NRG1: variants seen among roughly 807,000 people sequenced by gnomAD.
NRG1 encodes the protein pro-neuregulin-1, membrane-bound isoform.
In NRG1, 18 loss-of-function variants were observed where a neutral mutation model predicts 63.8. The ratio of observed to expected loss-of-function variants is 0.28; its 90% CI spans 0.19 to 0.42. NRG1 has a LOEUF of 0.42. NRG1 is among the 10% of genes least tolerant of loss of function. The pLI, the probability that NRG1 is intolerant of heterozygous loss-of-function variation, is 1.00. For synonymous variants in NRG1, 302 were observed against 301.3 expected, an observed-to-expected ratio of 1.00 and a Z score of -0.02; for missense variants, 762 against 814.7, an observed-to-expected ratio of 0.94 and a Z score of 0.79.
intron 1 of NRG1, among the ~76,000 whole-genome samples, chr8:32,564,403 T>A (rs1360137877): frequency 6.6e-6 from 1 of 152,216 alleles, no homozygotes; most frequent in Non-Finnish European, 1.5e-5. Context: ...AGGAAGGTGT[T>A]TTAATTGATT....
intron 1 of NRG1, among the ~76,000 whole-genome samples, chr8:32,015,322 A>G (rs953773090): frequency 6.6e-6 from 1 of 152,200 alleles, no homozygotes; most frequent in African/African-American, 2.4e-5. Flanking sequence ...AAAATAAGAA[A>G]GTCCATTAGA....
chr8:31,831,802 A>T (rs1052939103), intron 1 of NRG1, among the ~76,000 whole-genome samples: 2 of 151,996 alleles, frequency 1.3e-5, no homozygotes, highest in African/African-American at 4.8e-5. Context: ...CCATTTTGAG[A>T]TTTGTATACA....
chr8:31,639,255 C>T (rs1585330415), exon 1 of NRG1: 1 of 1,055,626 alleles, frequency 9.5e-7, no homozygotes, highest in Non-Finnish European at 1.4e-6. Context: ...AGTAAGCCTC[C>T]GCAGCCCACT....
intron 1 of NRG1, among the ~76,000 whole-genome samples, chr8:32,488,449 G>A (rs1332791135): frequency 6.6e-6 from 1 of 152,112 alleles, no homozygotes; most frequent in African/African-American, 2.4e-5. Flanking sequence ...TTATACTTCT[G>A]ACCACTTGGG....
At chr8:32,396,826 C>T (rs1019167544) in intron 1 of NRG1, among the ~76,000 whole-genome samples, 2 of 152,192 alleles carry the variant, frequency 1.3e-5, no homozygotes, top group Non-Finnish European at 2.9e-5. Flanking sequence ...ATTTCTATTA[C>T]AGAGCTTTCT....
chr8:32,395,378 A>G (rs995018024), intron 1 of NRG1, among the ~76,000 whole-genome samples: 1 of 152,198 alleles, frequency 6.6e-6, no homozygotes, highest in Non-Finnish European at 1.5e-5. Flanking sequence ...GGGAATTACA[A>G]TAATCCTTAT....
intron 1 of NRG1, among the ~76,000 whole-genome samples, chr8:31,652,742 A>G (rs1446347382): frequency 6.6e-6 from 1 of 152,218 alleles, no homozygotes; most frequent in African/African-American, 2.4e-5. Flanking sequence ...TAGTCTTTAC[A>G]AATCTTCTTG....
At chr8:31,655,957 A>G (rs747141803) in intron 1 of NRG1, among the ~76,000 whole-genome samples, 1 of 152,184 alleles carries the variant, frequency 6.6e-6, no homozygotes, top group African/African-American at 2.4e-5. Context: ...ACTGCAGGAG[A>G]AGAAGCCCTT....
chr8:31,974,946 T>A (rs1586191590), intron 1 of NRG1, among the ~76,000 whole-genome samples: 2 of 152,318 alleles, frequency 1.3e-5, no homozygotes, highest in East Asian at 3.9e-4. Context: ...TGAGCTTTCA[T>A]GTCGCAGGGC....
At chr8:32,118,864 C>T (rs1328396231) in intron 1 of NRG1, among the ~76,000 whole-genome samples, 2 of 152,004 alleles carry the variant, frequency 1.3e-5, no homozygotes, top group African/African-American at 4.8e-5. Flanking sequence ...CTCCTTGTAC[C>T]TCATCTGGTC....
intron 1 of NRG1, among the ~76,000 whole-genome samples, chr8:32,086,909 T>C (rs992898134): frequency 3.3e-5 from 5 of 152,204 alleles, no homozygotes; most frequent in African/African-American, 1.2e-4. Context: ...AGATGAGATA[T>C]ACCCTTTTAA....
intron 1 of NRG1, among the ~76,000 whole-genome samples, chr8:31,748,371 G>A (rs1273896384): frequency 6.6e-6 from 1 of 151,862 alleles, no homozygotes; most frequent in Non-Finnish European, 1.5e-5. Context: ...AGAAGATTGA[G>A]GGCAAAGAAG....
chr8:32,093,230 G>A (rs1005970939), intron 1 of NRG1, among the ~76,000 whole-genome samples: 2 of 152,166 alleles, frequency 1.3e-5, no homozygotes, highest in Non-Finnish European at 2.9e-5. Context: ...AAGTTTAATG[G>A]ATTTAGGGCT....
intron 5 of NRG1, among the ~76,000 whole-genome samples, chr8:32,675,385 G>A (rs1806813873): frequency 6.6e-6 from 1 of 152,154 alleles, no homozygotes; most frequent in Admixed American, 6.5e-5. Flanking sequence ...ATTAAGAGAA[G>A]CACTTTTGTG....
chr8:31,820,526 C>T (rs1823904755), intron 1 of NRG1, among the ~76,000 whole-genome samples: 1 of 152,148 alleles, frequency 6.6e-6, no homozygotes, highest in Non-Finnish European at 1.5e-5. Context: ...TGCCAGTACT[C>T]TTTGCTAAGA....
chr8:32,548,917 C>A (rs960575308), intron 1 of NRG1, 91 bp downstream of exon 1: 4 of 1,429,402 alleles, frequency 2.8e-6, no homozygotes, highest in Middle Eastern at 2.5e-4. Flanking sequence ...CTCCCTCCCC[C>A]TCTCCCTCGC....
At chr8:31,931,471 T>G (rs1256145700) in intron 1 of NRG1, among the ~76,000 whole-genome samples, 1 of 152,158 alleles carries the variant, frequency 6.6e-6, no homozygotes, top group Non-Finnish European at 1.5e-5. Context: ...TTTCCTAACC[T>G]ATAAAATTTT....
At chr8:31,651,164 A>G (rs1804801048) in intron 1 of NRG1, among the ~76,000 whole-genome samples, 2 of 152,184 alleles carry the variant, frequency 1.3e-5, no homozygotes, top group Non-Finnish European at 2.9e-5. Flanking sequence ...GGGAACCTTC[A>G]AGGGAAGGTG....
intron 5 of NRG1, among the ~76,000 whole-genome samples, chr8:32,630,729 G>GT (rs397891668): frequency 4.7e-3 from 638 of 135,378 alleles, no homozygotes; most frequent in East Asian, 0.015. Context: ...CAGATTTTAG[G>GT]TTTTTTTTTT....
Sources: gnomAD v4.1 joint callset for allele counts (sites outside exome capture counted in the v4.1 genomes callset) on GRCh38, gnomAD v4.1.1 for gene constraint, MANE v1.5 for transcripts, NCBI Gene and HGNC (gene_info 2026-07-23, HGNC 2026-07-21) for gene names.